The following LRBA variants were observed in gnomAD, a reference collection of about 807,000 sequenced individuals.
LRBA encodes the protein LPS responsive beige-like anchor protein.
LRBA carries 176 observed loss-of-function variants against 330.0 expected under a neutral mutation model. The observed-to-expected ratio is 0.53, with a 90% CI of 0.47 to 0.60. The LOEUF (loss-of-function observed/expected upper bound fraction) is 0.60. LRBA is among the 20% of genes least tolerant of loss of function. LRBA has a pLI of 0.00. For missense variants in LRBA, 3,259 were observed against 3,444.8 expected, an observed-to-expected ratio of 0.95 and a Z score of 1.35; for synonymous variants, 1,230 against 1,193.0, an observed-to-expected ratio of 1.03 and a Z score of -0.64.
At chr4:150,782,828 C>T (rs761448555) in intron 34 of LRBA, among the ~76,000 whole-genome samples, 4 of 151,778 alleles carry the variant, frequency 2.6e-5, no homozygotes, top group Non-Finnish European at 5.9e-5. Context: ...AGCAAGCAGA[C>T]GAAAAGTGAA....
intron 2 of LRBA, among the ~76,000 whole-genome samples, chr4:150,964,588 G>A (rs561337692): frequency 2.6e-5 from 4 of 151,604 alleles, no homozygotes; most frequent in African/African-American, 4.9e-5. Context: ...TAAGGGCGGT[G>A]CAAGATGTGC....
At chr4:150,848,676 A>C in intron 26 of LRBA, 142 bp downstream of exon 26, 1 of 635,588 alleles carries the variant, frequency 1.6e-6, no homozygotes. Context: ...AACTACTACT[A>C]TGTACATTAA....
intron 30 of LRBA, among the ~76,000 whole-genome samples, chr4:150,825,917 T>C (rs534984539): frequency 2.4e-4 from 36 of 152,182 alleles, no homozygotes; most frequent in African/African-American, 8.4e-4. Flanking sequence ...TAAGAACTAT[T>C]GTAAAGAAAA....
intron 48 of LRBA, among the ~76,000 whole-genome samples, chr4:150,333,215 C>T (rs1225515319): frequency 6.6e-6 from 1 of 151,932 alleles, no homozygotes; most frequent in African/African-American, 2.4e-5. Flanking sequence ...CACTTAGTAA[C>T]CAACAATAAA....
chr4:150,599,811 C>T (rs1773928455), intron 37 of LRBA, among the ~76,000 whole-genome samples: 1 of 152,128 alleles, frequency 6.6e-6, no homozygotes, highest in Non-Finnish European at 1.5e-5. Flanking sequence ...TTTCCATTTA[C>T]TGTTTTTAAA....
At chr4:151,009,753 G>T (rs961866538) in intron 2 of LRBA, among the ~76,000 whole-genome samples, 3 of 151,952 alleles carry the variant, frequency 2.0e-5, no homozygotes, top group Non-Finnish European at 4.4e-5. Context: ...GGCCAGGGCG[G>T]GTGGATCACG....
At chr4:150,780,020 A>T (rs1289623875) in intron 34 of LRBA, among the ~76,000 whole-genome samples, 1 of 152,182 alleles carries the variant, frequency 6.6e-6, no homozygotes, top group Non-Finnish European at 1.5e-5. Context: ...TGCATGCTCA[A>T]TCCCACAGCA....
At chr4:150,573,403 C>A (rs767561597) in intron 40 of LRBA, among the ~76,000 whole-genome samples, 2 of 152,188 alleles carry the variant, frequency 1.3e-5, no homozygotes, top group Non-Finnish European at 2.9e-5. Flanking sequence ...GAGTGCCCAT[C>A]AACAACTCCT....
At chr4:150,545,799 G>T (rs1343507904) in intron 40 of LRBA, among the ~76,000 whole-genome samples, 3 of 152,058 alleles carry the variant, frequency 2.0e-5, no homozygotes, top group African/African-American at 7.2e-5. Flanking sequence ...ACTCATGCTA[G>T]GAAAGTTATT....
chr4:150,445,408 T>TATAC (rs1202008735), intron 44 of LRBA, among the ~76,000 whole-genome samples: 4 of 131,970 alleles, frequency 3.0e-5, no homozygotes, highest in African/African-American at 1.2e-4. Context: ...TATATATATA[T>TATAC]ATACATATAT....
At chr4:150,380,866 CA>C (rs1329911378) in intron 47 of LRBA, among the ~76,000 whole-genome samples, 1 of 150,362 alleles carries the variant, frequency 6.7e-6, no homozygotes, top group Admixed American at 6.7e-5. Context: ...CCTGTAATCT[CA>C]ACTACTTGGG....
chr4:150,886,410 T>C (rs1728943495), intron 17 of LRBA, among the ~76,000 whole-genome samples: 1 of 152,182 alleles, frequency 6.6e-6, no homozygotes, highest in Non-Finnish European at 1.5e-5. Context: ...TGTAAAAACC[T>C]GTGATAACCC....
chr4:150,911,990 T>C (rs1560995559), intron 9 of LRBA, among the ~76,000 whole-genome samples: 1 of 152,226 alleles, frequency 6.6e-6, no homozygotes, highest in African/African-American at 2.4e-5. Flanking sequence ...ATACTTTTCA[T>C]AGCATTCTCT....
chr4:150,848,771 C>G (rs1455123837), intron 26 of LRBA, 47 bp downstream of exon 26: 1 of 1,464,024 alleles, frequency 6.8e-7, no homozygotes, highest in Non-Finnish European at 9.3e-7. Context: ...CTCTGAATTA[C>G]TGAAAAATTT....
chr4:150,380,874 T>C (rs1742118410), intron 47 of LRBA, among the ~76,000 whole-genome samples: 1 of 146,926 alleles, frequency 6.8e-6, no homozygotes, highest in African/African-American at 2.5e-5. Context: ...CTCAACTACT[T>C]GGGAGGCTGA....
intron 17 of LRBA, among the ~76,000 whole-genome samples, chr4:150,887,902 G>A (rs1235363754): frequency 1.3e-5 from 2 of 151,882 alleles, no homozygotes; most frequent in African/African-American, 4.8e-5. Flanking sequence ...TGTGCCTGTA[G>A]TCCCAGCTAC....
chr4:150,729,222 G>A (rs1730119132), intron 36 of LRBA, among the ~76,000 whole-genome samples: 1 of 152,152 alleles, frequency 6.6e-6, no homozygotes, highest in Non-Finnish European at 1.5e-5. Context: ...GGATACTGAG[G>A]TGGGCAGACT....
chr4:150,873,625 C>T (rs1243848657), intron 17 of LRBA, among the ~76,000 whole-genome samples: 1 of 151,792 alleles, frequency 6.6e-6, no homozygotes, highest in Non-Finnish European at 1.5e-5. Flanking sequence ...TCTAGGAAGG[C>T]CTTCTGATTT....
intron 30 of LRBA, among the ~76,000 whole-genome samples, chr4:150,822,502 C>T (rs890113563): frequency 1.3e-5 from 2 of 152,166 alleles, no homozygotes; most frequent in African/African-American, 4.8e-5. Context: ...CACAGTGGCT[C>T]ACGCCTGGAA....
Sources: gnomAD v4.1 joint callset for allele counts (sites outside exome capture counted in the v4.1 genomes callset) on GRCh38, gnomAD v4.1.1 for gene constraint, MANE v1.5 for transcripts, NCBI Gene and HGNC (gene_info 2026-07-23, HGNC 2026-07-21) for gene names.